INTS6L: variants seen among roughly 807,000 people sequenced by gnomAD.
INTS6L encodes integrator complex subunit 6-like.
A neutral mutation model predicts 64.7 loss-of-function variants in INTS6L; 18 were observed. That is an observed-to-expected ratio of 0.28 (90% CI 0.19 to 0.41). INTS6L has a LOEUF of 0.41. INTS6L is among the 10% of genes least tolerant of loss of function. The probability of loss-of-function intolerance (pLI) is 1.00; values close to 1 mark genes in which losing one functional copy is unlikely to be tolerated. For missense variants in INTS6L, 533 were observed against 661.0 expected (o/e 0.81, Z 2.12); for synonymous variants, 227 against 235.9 (o/e 0.96, Z 0.34).
chrX:135,528,866 A>ACCCAC (rs2085817611), intron 2 of INTS6L, among the ~76,000 whole-genome samples: 1 of 48,006 alleles, frequency 2.1e-5, no homozygotes, highest in Non-Finnish European at 3.7e-5. Flanking sequence ...TAAAATGAAC[A>ACCCAC]CCCCCCCCCC....
intron 2 of INTS6L, among the ~76,000 whole-genome samples, chrX:135,544,409 G>A (rs782616852): frequency 8.9e-6 from 1 of 111,760 alleles, no homozygotes; most frequent in Non-Finnish European, 1.9e-5. Context: ...AGCTAAATGT[G>A]AAATTCAAAT....
Position 135,570,503 on chromosome X carries a change from T to C in INTS6L, c.1355T>C (p.Leu452Pro). 8.7e-7 allele frequency: 1 copy of C among 1,153,534 alleles called. No individual in the cohort carries two copies. Among genetic ancestry groups the C allele is most frequent in the Non-Finnish European group, 1.1e-6 (1 of 870,763 alleles). The change falls in exon 11 of 18, where the codon CTT becomes CCT. Residue 452 changes from leucine to proline, a missense_variant. By Grantham distance (98) the Leu-to-Pro change is moderately conservative. Coordinates refer to ENST00000639893, the MANE Select transcript of INTS6L (RefSeq NM_001351601.3). ...ATATCAGATAATTTAGATTGTGGAC[T>C]TAGTTACAGTGTTATCTCTTACCTT... The part of the protein sequence containing the change: ...NLISDNLDCG[L>P]SYSVISYLKK...
rs1026509037 is a variant in INTS6L, at chrX:135,531,425, C to G, written c.189+10107C>G. Among the ~76,000 whole-genome samples the G allele has an allele frequency of 3.6e-5, 4 of 112,543 alleles. No individual in the cohort carries two copies. In the East Asian group the frequency reaches 1.1e-3, roughly 32 times the overall value. The stretch of plus-strand genomic sequence containing the variant: ...ATCTCCACACATCTCCACTGACTGT[C>G]TGTCCTGCTGTCAGCTCACAGTCAG... On this transcript the variant is annotated intron_variant, in intron 2 of 17. Transcript: ENST00000639893.
In INTS6L at chrX:135,521,111, G is replaced by T; in HGVS notation, c.111+8G>T. On this transcript the variant is annotated splice_region_variant and intron_variant, in intron 1 of 17. Transcript: ENST00000639893. ...GTGGAGTTATTCTTGAAGGTAAAGG[G>T]AGGGGAGGGGAGAGATGGGGAGAGC... The T allele has an allele frequency of 8.3e-7, 1 of 1,205,001 alleles. No individual in the cohort carries two copies. The highest frequency in any genetic ancestry group is 1.7e-5 in the African/African-American group (1 of 57,658).
At chrX:135,532,349 C>T (rs1327319874) in intron 2 of INTS6L, among the ~76,000 whole-genome samples, 3 of 112,544 alleles carry the variant, frequency 2.7e-5, no homozygotes, top group South Asian at 7.3e-4. Flanking sequence ...TACGTAGGTG[C>T]GTAAACATTG....
At chrX:135,524,472 A>G (rs1204056957) in intron 2 of INTS6L, among the ~76,000 whole-genome samples, 1 of 109,542 alleles carries the variant, frequency 9.1e-6, no homozygotes, top group African/African-American at 3.3e-5. Context: ...TATTTCTCTA[A>G]GGTTTGAGCG....
At chrX:135,580,981 G>A in intron 16 of INTS6L, 69 bp from the exon 17 acceptor site, 2 of 767,437 alleles carry the variant, frequency 2.6e-6, no homozygotes, top group African/African-American at 2.1e-5. Flanking sequence ...TACTAAGGAT[G>A]TACAACAATT....
At position 135,551,987 on chromosome X, in the gene INTS6L, T is replaced by G. The variant is rs982075875; in HGVS notation, c.907-7T>G. The G allele has an allele frequency of 4.4e-6, 5 of 1,127,453 alleles. No individual in the cohort carries two copies. The highest frequency in any genetic ancestry group is 3.7e-5 in the African/African-American group (2 of 53,643). The allele number at this position is 1,127,453 out of a possible 1,213,427, so 92.9% of individuals were successfully genotyped here. On this transcript the variant is annotated splice_region_variant and splice_polypyrimidine_tract_variant and intron_variant, in intron 7 of 17. Transcript: ENST00000639893. ...TTTTTCTGCTTTTTTTAAAAAATTT[T>G]TTTTAGCCTCCACGAACATCTCATC...
Position 135,520,735 on chromosome X carries a change from G to T in INTS6L, c.-258G>T. On this transcript the variant is annotated 5_prime_UTR_variant, in exon 1 of 18. Coordinates refer to ENST00000639893, the MANE Select transcript of INTS6L (RefSeq NM_001351601.3). Reference sequence around the variant, plus strand: ...CCTGGCAGCGGCAGTAGTGGTGGCAGCAGAAGAGAGGAAGGGGGAGGGCCC... The same window carrying T: ...CCTGGCAGCGGCAGTAGTGGTGGCATCAGAAGAGAGGAAGGGGGAGGGCCC... The T allele has an allele frequency of 2.7e-6, 1 of 364,760 alleles. No homozygotes were observed. The highest frequency in any genetic ancestry group is 4.8e-6 in the Non-Finnish European group (1 of 208,297). 30.1% of individuals were successfully genotyped at this position (364,760 alleles called of 1,213,427 possible).
rs782735897 is a variant in INTS6L at position 135,556,237 on chromosome X, A to G, written c.1129A>G (p.Thr377Ala). The change falls in exon 9 of 18, where the codon ACT becomes GCT. Residue 377 changes from threonine to alanine, a missense_variant. Transcript: ENST00000639893. The stretch of plus-strand genomic sequence containing the variant: ...ATTTGGTTATTTAAAAGCCAGTACA[A>G]CTTTAACTTGTGTAAACCTCTTTGT... Reference protein sequence around the residue: ...YPFGYLKASTTLTCVNLFVMP... With the variant: ...YPFGYLKASTALTCVNLFVMP... 7 of 1,202,422 alleles carry G rather than the reference A, an allele frequency of 5.8e-6. No individual in the cohort carries two copies. The African/African-American group carries it at 1.1e-4, about 18-fold the overall frequency.
chrX:135,556,358 A>G (rs2086649080), intron 9 of INTS6L, 58 bp downstream of exon 9: 2 of 984,650 alleles, frequency 2.0e-6, no homozygotes, highest in Non-Finnish European at 2.7e-6. Context: ...TGAAAAATCG[A>G]TAATAGACTA....
chrX:135,580,316 G>A (rs1293174799), intron 16 of INTS6L, among the ~76,000 whole-genome samples, 154 bp downstream of exon 16: 2 of 111,999 alleles, frequency 1.8e-5, no homozygotes, highest in East Asian at 5.6e-4. Flanking sequence ...AACTAAAAAG[G>A]TACAGTCTAT....
intron 2 of INTS6L, among the ~76,000 whole-genome samples, chrX:135,531,110 G>A (rs1224897890): frequency 2.7e-5 from 3 of 112,136 alleles, no homozygotes; most frequent in African/African-American, 9.7e-5. Context: ...AACTAAATAT[G>A]ATTTATTAAG....
chrX:135,565,761 T>C (rs1259091193), intron 9 of INTS6L, among the ~76,000 whole-genome samples: 1 of 111,779 alleles, frequency 8.9e-6, no homozygotes, highest in Non-Finnish European at 1.9e-5. Flanking sequence ...GGCATCACCA[T>C]GTCTATGCAA....
At chrX:135,525,846 A>G (rs1485199747) in intron 2 of INTS6L, among the ~76,000 whole-genome samples, 3 of 111,837 alleles carry the variant, frequency 2.7e-5, no homozygotes, top group Non-Finnish European at 5.6e-5. Context: ...TGCTTTTAAA[A>G]CTCAAAAAGC....
Position 135,569,515 on chromosome X carries a change from T to A in INTS6L, c.1287+84T>A, listed in dbSNP as rs1218091913. 10 of 553,018 alleles carry A rather than the reference T, an allele frequency of 1.8e-5. No homozygotes were observed. In the East Asian group the frequency reaches 4.1e-4, roughly 23 times the overall value. 45.6% of individuals were successfully genotyped at this position (553,018 alleles called of 1,213,427 possible). A position where few individuals can be genotyped will look rare whatever the true frequency, so the allele number is the denominator to read the frequency against. On this transcript the variant is annotated intron_variant, in intron 10 of 17. Transcript: ENST00000639893. ...AATGTTAGTGATCAAAAGCTTTTAC[T>A]GTTGCAATAAGAGAGATATCTTTTT...
chrX:135,531,297 G>A (rs1164288152), intron 2 of INTS6L, among the ~76,000 whole-genome samples: 3 of 111,149 alleles, frequency 2.7e-5, no homozygotes, highest in Non-Finnish European at 5.7e-5. Context: ...TCTTTCCCTT[G>A]GGGAGTGTAT....
At chrX:135,522,399 T>TG (rs1482955833) in intron 2 of INTS6L, among the ~76,000 whole-genome samples, 1 of 111,849 alleles carries the variant, frequency 8.9e-6, no homozygotes, top group Non-Finnish European at 1.9e-5. Flanking sequence ...ACGGTCTCTG[T>TG]GGGGTAATTT....
At chrX:135,557,495 C>G (rs2086672495) in intron 9 of INTS6L, among the ~76,000 whole-genome samples, 1 of 111,571 alleles carries the variant, frequency 9.0e-6, no homozygotes, top group South Asian at 3.7e-4. Context: ...ATTAAACCAT[C>G]ACCTCATTCT....
Sources: allele counts gnomAD v4.1 joint callset (sites outside exome capture counted in the v4.1 genomes callset), GRCh38; gene constraint gnomAD v4.1.1; transcripts MANE v1.5; gene names NCBI Gene and HGNC (gene_info 2026-07-23, HGNC 2026-07-21).